Variants in PRPF6 observed in about 807,000 individuals in gnomAD.
PRPF6 encodes the protein pre-mRNA-processing factor 6.
Under a neutral mutation model 118.3 loss-of-function variants are expected in PRPF6, and 42 were observed. The observed-to-expected ratio is 0.35, with a 90% CI of 0.28 to 0.46. PRPF6 has a LOEUF of 0.46. Ranked by LOEUF, PRPF6 falls within the 20% of genes least tolerant of loss-of-function variation. The pLI, the probability that PRPF6 is intolerant of heterozygous loss-of-function variation, is 1.00. For synonymous variants in PRPF6, 481 were observed against 485.1 expected, an observed-to-expected ratio of 0.99 and a Z score of 0.11; for missense variants, 662 against 1,255.7, an observed-to-expected ratio of 0.53 and a Z score of 7.15.
rs2059293764 is a variant in PRPF6, at chr20:64,026,897, AG to A, written c.2029-83del. ...CTTACAAAAGTACACACAGTACTGCAGGTAACAGTGTTGAGGATGAGTGTAC... is the reference window on the plus strand; with the variant it reads ...CTTACAAAAGTACACACAGTACTGCAGTAACAGTGTTGAGGATGAGTGTAC... On this transcript the variant is annotated intron_variant, in intron 15 of 20. Coordinates refer to ENST00000266079, the MANE Select transcript of PRPF6 (RefSeq NM_012469.4). This position sits in a 1 kb window ranked among gnomAD's most constrained non-coding sequence, Gnocchi z 4.4. 1 of 1,344,156 alleles carries A rather than the reference AG, an allele frequency of 7.4e-7. No homozygotes were observed. The highest frequency in any genetic ancestry group is 1.2e-5 in the South Asian group (1 of 84,774). The allele number at this position is 1,344,156 out of a possible 1,614,324, so 83.3% of individuals were successfully genotyped here. A position where few individuals can be genotyped will look rare whatever the true frequency, so the allele number is the denominator to read the frequency against.
intron 3 of PRPF6, 28 bp from the exon 4 acceptor site, chr20:63,993,379 T>C (rs751939067): frequency 6.4e-7 from 1 of 1,559,366 alleles, no homozygotes; most frequent in South Asian, 1.1e-5. Flanking sequence ...ATGCAGTGTT[T>C]CTGATGTGTG....
rs1439311273 is a variant in PRPF6, at chr20:63,985,007, A to G, written c.341A>G (p.Glu114Gly). The G allele has an allele frequency of 5.0e-6, 8 of 1,612,498 alleles. No individual in the cohort carries two copies. Among genetic ancestry groups the G allele is most frequent in the African/African-American group, 1.3e-5 (1 of 74,886 alleles). Residue 114 changes from glutamate (E) to glycine (G), a missense_variant, in exon 3 of 21, where the codon GAA (glutamate) becomes GGA (glycine). Transcript: ENST00000266079. ...GCAGCCCTGGATAAAAGGATGGATG[A>G]AAGAAGAAAAGAAAGACGGTAAAAG... is the stretch of plus-strand genomic sequence containing the variant. ...IYAALDKRMD[E>G]RRKERREQRE...
chr20:64,015,488 C>G (rs1382141775), intron 11 of PRPF6, among the ~76,000 whole-genome samples: 2 of 152,234 alleles, frequency 1.3e-5, no homozygotes, highest in Non-Finnish European at 2.9e-5. Flanking sequence ...GCACTTTGCT[C>G]ACGGTCCATG....
intron 3 of PRPF6, 44 bp downstream of exon 3, chr20:63,985,069 A>C: frequency 6.4e-7 from 1 of 1,574,476 alleles, no homozygotes; most frequent in Non-Finnish European, 8.7e-7. Flanking sequence ...CCAAGTTTAA[A>C]AAAAAGTTTT....
Position 63,983,185 on chromosome 20 carries a change from C to A in PRPF6, c.210C>A (p.Asp70Glu). Reference sequence around the variant, plus strand: ...AAAATCAGGCTGCTGACGATGACGACGAGGATCTAAATGACACCAATTACG... The same window carrying A: ...AAAATCAGGCTGCTGACGATGACGAAGAGGATCTAAATGACACCAATTACG... ...MKKNQAADDD[D>E]EDLNDTNYDE... Residue 70 changes from aspartate to glutamate, a missense_variant, in exon 2 of 21, where the codon GAC (aspartate) becomes GAA (glutamate). By Grantham distance (45) the Asp-to-Glu change is conservative (BLOSUM62 2). This residue lies in a region of PRPF6 where 21 missense variants were observed against 45.5 expected (regional missense o/e 0.46). Coordinates refer to ENST00000266079, the MANE Select transcript of PRPF6 (RefSeq NM_012469.4). 6.2e-7 allele frequency: 1 copy of A among 1,614,196 alleles called. No individual in the cohort carries two copies. Among genetic ancestry groups the A allele is most frequent in the African/African-American group, 1.3e-5 (1 of 75,048 alleles).
At position 63,999,678 on chromosome 20, in the gene PRPF6, A is replaced by T; in HGVS notation, c.942A>T (p.Ala314=). 1.2e-6 allele frequency: 2 copies of T among 1,614,140 alleles called. No homozygotes were observed. Among genetic ancestry groups the T allele is most frequent in the Admixed American group, 1.7e-5 (1 of 60,004 alleles). ...TNPHHPPAWI[A]SARLEEVTGK... is the part of the protein sequence containing the mutation. ...CTCATCACCCGCCAGCCTGGATTGC[A>T]TCAGCCCGCCTGGAAGAAGTCACTG... Residue 314 remains alanine, a synonymous_variant, in exon 8 of 21, where the codon GCA becomes GCT. Coordinates refer to ENST00000266079, the MANE Select transcript of PRPF6 (RefSeq NM_012469.4).
At chr20:63,997,178 T>C (rs1476196282) in intron 6 of PRPF6, among the ~76,000 whole-genome samples, 1 of 152,158 alleles carries the variant, frequency 6.6e-6, no homozygotes, top group Non-Finnish European at 1.5e-5. Flanking sequence ...TCTCTGTTTC[T>C]ATAAATGTCA....
rs374801637 is a variant in PRPF6, at chr20:64,032,056, C to A, written c.2673+12C>A. 3 of 1,613,674 alleles carry A rather than the reference C, an allele frequency of 1.9e-6. No individual in the cohort carries two copies. The Admixed American group carries it at 5.0e-5, about 27-fold the overall frequency. On this transcript the variant is annotated intron_variant, in intron 20 of 20. Coordinates refer to ENST00000266079, the MANE Select transcript of PRPF6 (RefSeq NM_012469.4). ...AGCATGGCACTGAGGTGAGGCCCCT[C>A]GACAGACCGCCGCTCAGTGCCTTCT...
intron 6 of PRPF6, among the ~76,000 whole-genome samples, chr20:63,998,530 C>T (rs2059150991): frequency 6.7e-6 from 1 of 150,220 alleles, no homozygotes; most frequent in African/African-American, 2.5e-5. Flanking sequence ...GAGACCCTGT[C>T]TCAAAAAAAT....
intron 3 of PRPF6, among the ~76,000 whole-genome samples, chr20:63,990,731 G>A (rs745553683): frequency 6.7e-6 from 1 of 150,328 alleles, no homozygotes; most frequent in South Asian, 2.1e-4. Context: ...TGCAACCTCC[G>A]CCTCCAGGGT....
chr20:64,016,418 C>T (rs1333639491), intron 11 of PRPF6, among the ~76,000 whole-genome samples: 1 of 152,190 alleles, frequency 6.6e-6, no homozygotes, highest in African/African-American at 2.4e-5. Flanking sequence ...GCCCCCACAC[C>T]TGGCTGAGAC....
At chr20:63,993,268 G>A (rs200071310) in intron 3 of PRPF6, 139 bp from the exon 4 acceptor site, 15,198 of 330,100 alleles carry the variant, frequency 0.046, 354 homozygotes, top group Middle Eastern at 0.1. Context: ...GTGTGTATAT[G>A]TATATATATA....
chr20:63,992,837 G>A (rs931209067), intron 3 of PRPF6, among the ~76,000 whole-genome samples: 1 of 151,784 alleles, frequency 6.6e-6, no homozygotes, highest in Non-Finnish European at 1.5e-5. Flanking sequence ...GGGTTCAAAT[G>A]ATTCTGCCTC....
chr20:64,021,249 G>A (rs1432203691), intron 12 of PRPF6, among the ~76,000 whole-genome samples: 2 of 151,116 alleles, frequency 1.3e-5, no homozygotes, highest in South Asian at 4.2e-4. Context: ...GTGTGCGTGT[G>A]TGCGTGCACG....
chr20:64,019,831 C>T (rs1414047918), intron 12 of PRPF6, among the ~76,000 whole-genome samples: 1 of 152,182 alleles, frequency 6.6e-6, no homozygotes, highest in East Asian at 1.9e-4. Context: ...TGGGAGGCAT[C>T]AGGTCTGAGT....
At position 63,999,119 on chromosome 20, in the gene PRPF6, G is replaced by A. The variant is rs1339667257; in HGVS notation, c.846G>A (p.Pro282=). The change falls in exon 7 of 21, where the codon CCG becomes CCA. Residue 282 remains proline, a synonymous_variant. Coordinates refer to ENST00000266079, the MANE Select transcript of PRPF6 (RefSeq NM_012469.4). ...GYLTDLNSMI[P]THGGDINDIK... ...TGACGGATTTAAATTCCATGATCCC[G>A]ACACACGGAGGAGACATCAAGTGAG... 3.7e-6 allele frequency: 6 copies of A among 1,613,852 alleles called. No individual in the cohort carries two copies. Among genetic ancestry groups the A allele is most frequent in the East Asian group, 4.5e-5 (2 of 44,878 alleles).
chr20:64,017,992 C>T (rs561264091), intron 12 of PRPF6, among the ~76,000 whole-genome samples: 20 of 152,258 alleles, frequency 1.3e-4, no homozygotes, highest in Non-Finnish European at 2.5e-4. Context: ...CGCTTGAGCT[C>T]GGGAGTTTGA....
intron 3 of PRPF6, among the ~76,000 whole-genome samples, chr20:63,987,557 C>T (rs2059100232): frequency 6.6e-6 from 1 of 152,130 alleles, no homozygotes; most frequent in South Asian, 2.1e-4. Context: ...ACAAGGATGC[C>T]CACTTTCACC....
chr20:63,999,796 G>A (rs2059158494), intron 8 of PRPF6, 37 bp downstream of exon 8: 13 of 1,611,176 alleles, frequency 8.1e-6, no homozygotes, highest in South Asian at 2.2e-5. Flanking sequence ...CTGGGAGGCT[G>A]CGTGATTGTG....
Sources: allele counts gnomAD v4.1 joint callset (sites outside exome capture counted in the v4.1 genomes callset), GRCh38; gene constraint gnomAD v4.1.1; regional missense constraint gnomAD v4.1.1; non-coding constraint Gnocchi (gnomAD v3.1); transcripts MANE v1.5; gene names NCBI Gene and HGNC (gene_info 2026-07-23, HGNC 2026-07-21).